Variants in PPARGC1B observed in about 807,000 individuals in gnomAD.
PPARGC1B encodes the protein peroxisome proliferator-activated receptor gamma coactivator 1-beta.
In PPARGC1B, 34 loss-of-function variants were observed where a neutral mutation model predicts 101.6. The ratio of observed to expected loss-of-function variants is 0.33; its 90% CI spans 0.25 to 0.45. The LOEUF is 0.45. Ranked by LOEUF, PPARGC1B falls within the 20% of genes least tolerant of loss-of-function variation. PPARGC1B has a pLI of 1.00. For synonymous variants in PPARGC1B, 548 were observed against 539.3 expected (o/e 1.02, Z -0.22); for missense variants, 1,234 against 1,317.6 (o/e 0.94, Z 0.98).
At chr5:149,856,748 G>C (rs1759962671), downstream of PPARGC1B, among the ~76,000 whole-genome samples, 1 of 151,304 alleles carries the variant, frequency 6.6e-6, no homozygotes, top group South Asian at 2.1e-4. Context: ...GGGGTTCTGG[G>C]GTTCTGGTGT....
intron 1 of PPARGC1B, among the ~76,000 whole-genome samples, chr5:149,772,770 A>T (rs1174056158): frequency 1.3e-5 from 2 of 152,146 alleles, no homozygotes; most frequent in Non-Finnish European, 2.9e-5. Context: ...GGGCTTCATC[A>T]TATGAATTTT....
At position 149,849,825 on chromosome 5, in the gene PPARGC1B, A is replaced by T. The variant is rs2113461425; in HGVS notation, c.*2267A>T. The T allele has an allele frequency of 6.6e-6, 1 of 152,368 alleles. No homozygotes were observed. Among genetic ancestry groups the T allele is most frequent in the African/African-American group, 2.4e-5 (1 of 41,580 alleles). 9.4% of individuals were successfully genotyped at this position (152,368 alleles called of 1,614,324 possible). ...GCAGGGGGCGGTAGACGAATGACAG[A>T]CAGGAACATATTTGGGGAAGGCAGG... On this transcript the variant is annotated 3_prime_UTR_variant, in exon 12 of 12. Transcript: ENST00000309241.
At position 149,730,826 on chromosome 5, in the gene PPARGC1B, G is replaced by A. The variant is rs1754428199; in HGVS notation, c.78+406G>A. Among the ~76,000 whole-genome samples, 2 of 152,204 alleles carry A rather than the reference G, an allele frequency of 1.3e-5. No homozygotes were observed. Among genetic ancestry groups the A allele is most frequent in the African/African-American group, 4.8e-5 (2 of 41,468 alleles). On this transcript the variant is annotated intron_variant, in intron 1 of 11. Transcript: ENST00000309241. The surrounding 1 kb of genome is among the most constrained non-coding windows in gnomAD (Gnocchi z 4.0). ...CTGCCGTACTTTCACGTGGACTTGT[G>A]GCCCCGGCACGGGTGCATGCCCGGG...
intron 11 of PPARGC1B, chr5:149,846,234 C>T (rs1759551022): frequency 1.8e-6 from 1 of 557,846 alleles, no homozygotes; most frequent in Non-Finnish European, 3.2e-6. Context: ...TTCACAGGGC[C>T]AGCTGCTACC....
At chr5:149,765,764 G>A (rs185215757) in intron 1 of PPARGC1B, among the ~76,000 whole-genome samples, 1,648 of 151,440 alleles carry the variant, frequency 0.011, 87 homozygotes, top group Admixed American at 0.088. Flanking sequence ...GGGAGGCTGA[G>A]GCAGGAGAAT....
chr5:149,805,112 A>G (rs530839870), intron 1 of PPARGC1B, among the ~76,000 whole-genome samples: 4 of 152,298 alleles, frequency 2.6e-5, no homozygotes, highest in Admixed American at 2.6e-4. Flanking sequence ...GAACCCAGGA[A>G]GACTCTCAAA....
At chr5:149,749,756 G>T (rs75877995) in intron 1 of PPARGC1B, among the ~76,000 whole-genome samples, 3,872 of 152,248 alleles carry the variant, frequency 0.025, 140 homozygotes, top group African/African-American at 0.083. Flanking sequence ...CCTTGGACAG[G>T]TCTCGCCCCC....
At position 149,852,407 on chromosome 5, in the gene PPARGC1B, A is replaced by G. The variant is rs901634192; in HGVS notation, c.*4849A>G. On this transcript the variant is annotated 3_prime_UTR_variant, in exon 12 of 12. Transcript: ENST00000309241. ...ATCACTCCTCCTTGAAACTGATTCC[A>G]TTCTCTGACTTGACCCAGCTCCTGT... The G allele has an allele frequency of 3.8e-4, 58 of 152,314 alleles. No homozygotes were observed. Among genetic ancestry groups the G allele is most frequent in the African/African-American group, 1.4e-3 (58 of 41,566 alleles). The allele number at this position is 152,314 out of a possible 1,614,324, so 9.4% of individuals were successfully genotyped here. A position where few individuals can be genotyped will look rare whatever the true frequency, so the allele number is the denominator to read the frequency against.
intron 1 of PPARGC1B, among the ~76,000 whole-genome samples, chr5:149,768,704 T>C (rs1474344644): frequency 1.3e-5 from 2 of 151,794 alleles, no homozygotes; most frequent in African/African-American, 2.4e-5. Context: ...TCAGTAGAGA[T>C]GGGGTTTCAC....
In PPARGC1B at chr5:149,804,931, G is replaced by C. The variant is rs77420598; in HGVS notation, c.79-15502G>C. On this transcript the variant is annotated intron_variant, in intron 1 of 11. Transcript: ENST00000309241. ...CAGGCTCCAGCTGCACTCGGCCCCT[G>C]AGGACTCCGGGTTTTAGTCAAGGGC... Among the ~76,000 whole-genome samples, 668 of 152,296 alleles carry C rather than the reference G, an allele frequency of 4.4e-3. 6 individuals are homozygous for C. Among genetic ancestry groups the C allele is most frequent in the African/African-American group, 0.015 (631 of 41,560 alleles).
intron 1 of PPARGC1B, among the ~76,000 whole-genome samples, chr5:149,804,297 C>T (rs1431047945): frequency 6.6e-6 from 1 of 152,228 alleles, no homozygotes; most frequent in East Asian, 1.9e-4. Flanking sequence ...TGCTGGGACT[C>T]AGCAAAGGAC....
At chr5:149,733,378 G>T (rs1754575552) in intron 1 of PPARGC1B, among the ~76,000 whole-genome samples, 1 of 152,196 alleles carries the variant, frequency 6.6e-6, no homozygotes, top group Non-Finnish European at 1.5e-5. Flanking sequence ...CCCTGGCCCA[G>T]AGTACCCTCA....
At chr5:149,750,383 T>C (rs1308027837) in intron 1 of PPARGC1B, among the ~76,000 whole-genome samples, 1 of 151,010 alleles carries the variant, frequency 6.6e-6, no homozygotes. Flanking sequence ...CATTATTTTA[T>C]CCACCTTGAA....
chr5:149,854,827 A>G lies in PPARGC1B; in HGVS notation c.*7269A>G, dbSNP rs1451014788. 6.6e-6 allele frequency: 1 copy of G among 152,136 alleles called. No homozygotes were observed. The highest frequency in any genetic ancestry group is 1.5e-5 in the Non-Finnish European group (1 of 68,026). 9.4% of individuals were successfully genotyped at this position (152,136 alleles called of 1,614,324 possible). A position where few individuals can be genotyped will look rare whatever the true frequency, so the allele number is the denominator to read the frequency against. On this transcript the variant is annotated 3_prime_UTR_variant, in exon 12 of 12. Transcript: ENST00000309241. ...TTGCTCTATGTATTATTATTCTGTGAGTATAAAGTTCTATTTTAATGTCTG... is the reference window on the plus strand; with the variant it reads ...TTGCTCTATGTATTATTATTCTGTGGGTATAAAGTTCTATTTTAATGTCTG...
At chr5:149,766,775 T>C (rs1366628785) in intron 1 of PPARGC1B, among the ~76,000 whole-genome samples, 2 of 152,226 alleles carry the variant, frequency 1.3e-5, no homozygotes, top group African/African-American at 2.4e-5. Context: ...TATTAAATTA[T>C]CTGTCCCCTC....
At chr5:149,817,746 A>G (rs1008106240) in intron 1 of PPARGC1B, 1 of 456,742 alleles carries the variant, frequency 2.2e-6, no homozygotes, top group Middle Eastern at 3.3e-4. Flanking sequence ...GTGCAGAAGA[A>G]TTGAACTCAT....
rs1759874290 is a variant in PPARGC1B, at chr5:149,854,171, C to T, written c.*6613C>T. On this transcript the variant is annotated 3_prime_UTR_variant, in exon 12 of 12. Transcript: ENST00000309241. ...GAATTCTGAGCAATAGGAGCCAGGG[C>T]TTTCCCTGACTCTGCGACAGGGTCA... 6.6e-6 allele frequency: 1 copy of T among 152,200 alleles called. No homozygotes were observed. The allele number at this position is 152,200 out of a possible 1,614,324, so 9.4% of individuals were successfully genotyped here. A position where few individuals can be genotyped will look rare whatever the true frequency, so the allele number is the denominator to read the frequency against.
chr5:149,768,441 AT>A (rs34427591), intron 1 of PPARGC1B, among the ~76,000 whole-genome samples: 12,050 of 127,454 alleles, frequency 0.095, 488 homozygotes, highest in African/African-American at 0.13. Context: ...TGCCTGGCTA[AT>A]TTTTTTTTTT....
chr5:149,753,426 T>G (rs1288969052), intron 1 of PPARGC1B, among the ~76,000 whole-genome samples: 1 of 152,160 alleles, frequency 6.6e-6, no homozygotes, highest in Admixed American at 6.6e-5. Flanking sequence ...CATGCTGGTC[T>G]CAAACTCCTG....
Sources: allele counts gnomAD v4.1 joint callset (sites outside exome capture counted in the v4.1 genomes callset), GRCh38; gene constraint gnomAD v4.1.1; non-coding constraint Gnocchi (gnomAD v3.1); transcripts MANE v1.5; gene names NCBI Gene and HGNC (gene_info 2026-07-23, HGNC 2026-07-21).